Variants in IQCH observed in about 807,000 individuals in gnomAD.
IQCH encodes the protein IQ domain-containing protein H.
A neutral mutation model predicts 117.0 loss-of-function variants in IQCH; 98 were observed. That is an observed-to-expected ratio of 0.84 (90% confidence interval 0.71 to 0.99). The LOEUF is 0.99. IQCH is among the 50% of genes least tolerant of loss of function. IQCH has a pLI of 0.00. For missense variants in IQCH, 1,102 were observed against 1,243.8 expected, an observed-to-expected ratio of 0.89 and a Z score of 1.72; for synonymous variants, 412 against 448.2, an observed-to-expected ratio of 0.92 and a Z score of 1.02.
intron 5 of IQCH, among the ~76,000 whole-genome samples, chr15:67,340,007 G>T (rs1969071147): frequency 6.6e-6 from 1 of 152,114 alleles, no homozygotes; most frequent in Non-Finnish European, 1.5e-5. Flanking sequence ...AAAGTTCTTA[G>T]GGCTATAGCA....
intron 6 of IQCH, among the ~76,000 whole-genome samples, chr15:67,347,943 G>T (rs897184575): frequency 4.7e-5 from 7 of 149,532 alleles, no homozygotes; most frequent in Admixed American, 1.3e-4. Flanking sequence ...TCATGACCAT[G>T]TGGGGTTTAT....
chr15:67,363,499 A>G (rs1219356062), intron 8 of IQCH, among the ~76,000 whole-genome samples: 1 of 151,718 alleles, frequency 6.6e-6, no homozygotes, highest in African/African-American at 2.4e-5. Context: ...GCCCACCTCA[A>G]CCTCCCAAAG....
chr15:67,394,181 C>T (rs1288712580), intron 12 of IQCH, among the ~76,000 whole-genome samples: 1 of 152,154 alleles, frequency 6.6e-6, no homozygotes, highest in Non-Finnish European at 1.5e-5. Flanking sequence ...CCATGCCCAT[C>T]TTCACCTGAT....
At chr15:67,293,847 C>T (rs796099840) in intron 4 of IQCH, among the ~76,000 whole-genome samples, 21 of 152,092 alleles carry the variant, frequency 1.4e-4, no homozygotes, top group African/African-American at 5.1e-4. Flanking sequence ...GTGTGAATAG[C>T]AAAGAAGGGG....
intron 5 of IQCH, among the ~76,000 whole-genome samples, chr15:67,337,637 A>T (rs1026594005): frequency 6.6e-6 from 1 of 152,186 alleles, no homozygotes; most frequent in Admixed American, 6.5e-5. Context: ...TGTAGATACT[A>T]AGTGTAGATT....
Position 67,417,106 on chromosome 15 carries a change from T to C in IQCH, c.2218+55T>C, listed in dbSNP as rs905367521. The C allele has an allele frequency of 2.0e-6, 3 of 1,473,376 alleles. No homozygotes were observed. Among genetic ancestry groups the C allele is most frequent in the Non-Finnish European group, 2.7e-6 (3 of 1,100,542 alleles). The allele number at this position is 1,473,376 out of a possible 1,614,324, so 91.3% of individuals were successfully genotyped here. A position where few individuals can be genotyped will look rare whatever the true frequency, so the allele number is the denominator to read the frequency against. ...GATTAGTCTACACAACCTTGGATTCTAGTTTTGGGTCAACTGGGGCCAATT... is the reference window on the plus strand; with the variant it reads ...GATTAGTCTACACAACCTTGGATTCCAGTTTTGGGTCAACTGGGGCCAATT... On this transcript the variant is annotated intron_variant, in intron 15 of 20. Transcript: ENST00000335894. This position sits in a 1 kb window ranked among gnomAD's most constrained non-coding sequence, Gnocchi z 4.3.
chr15:67,478,736 C>T (rs1051138963), intron 18 of IQCH, among the ~76,000 whole-genome samples: 5 of 151,746 alleles, frequency 3.3e-5, no homozygotes, highest in East Asian at 1.9e-4. Context: ...CCATCCTGGC[C>T]AACATGGTGA....
intron 4 of IQCH, among the ~76,000 whole-genome samples, chr15:67,288,467 C>T (rs188407257): frequency 1.6e-4 from 24 of 152,162 alleles, no homozygotes; most frequent in African/African-American, 4.6e-4. Context: ...AATTGTTACA[C>T]GTTTTTGCTG....
chr15:67,283,637 C>T (rs1038330803), intron 4 of IQCH, among the ~76,000 whole-genome samples: 1 of 151,984 alleles, frequency 6.6e-6, no homozygotes, highest in East Asian at 1.9e-4. Context: ...TTTGATAGCT[C>T]ATGCTTTGGC....
chr15:67,424,446 A>G lies in IQCH; in HGVS notation c.2505+2869A>G, dbSNP rs960115111. 2.0e-5 allele frequency among the ~76,000 whole-genome samples: 3 copies of G among 152,350 alleles called. No individual in the cohort carries two copies. In the South Asian group the frequency reaches 6.2e-4, roughly 32 times the overall value. On this transcript the variant is annotated intron_variant, in intron 16 of 20. Coordinates refer to ENST00000335894, the MANE Select transcript of IQCH (RefSeq NM_001031715.3). This position sits in a 1 kb window ranked among gnomAD's most constrained non-coding sequence, Gnocchi z 4.9. ...CTCAGTTACAAATTTAAACTTATTT[A>G]CATGACTATCTGATTAATATTTTTC... is the stretch of plus-strand genomic sequence containing the variant.
At chr15:67,363,862 C>T (rs1970237812) in intron 8 of IQCH, among the ~76,000 whole-genome samples, 1 of 152,170 alleles carries the variant, frequency 6.6e-6, no homozygotes, top group African/African-American at 2.4e-5. Context: ...CAGCTCTATC[C>T]ATGTTGCTTC....
intron 16 of IQCH, among the ~76,000 whole-genome samples, chr15:67,437,721 A>C (rs1350122783): frequency 6.6e-6 from 1 of 152,180 alleles, no homozygotes; most frequent in African/African-American, 2.4e-5. Context: ...AATACAGGAA[A>C]CATTGGACAC....
intron 4 of IQCH, among the ~76,000 whole-genome samples, chr15:67,329,195 A>T (rs1276322084): frequency 6.6e-6 from 1 of 151,904 alleles, no homozygotes; most frequent in Admixed American, 6.6e-5. Context: ...GCTGCTCAAG[A>T]GGCTGAGGTA....
At chr15:67,412,003 G>A (rs1490542856) in intron 14 of IQCH, among the ~76,000 whole-genome samples, 1 of 152,184 alleles carries the variant, frequency 6.6e-6, no homozygotes, top group Non-Finnish European at 1.5e-5. Context: ...GATGCACTCT[G>A]AGAGGTAAAT....
At chr15:67,320,471 G>A (rs1473045078) in intron 4 of IQCH, among the ~76,000 whole-genome samples, 1 of 149,020 alleles carries the variant, frequency 6.7e-6, no homozygotes, top group African/African-American at 2.4e-5. Context: ...AAGTGAAATG[G>A]ACAGTACTTT....
At position 67,369,513 on chromosome 15, in the gene IQCH, G is replaced by C. The variant is rs981737981; in HGVS notation, c.754-2598G>C. 8.3e-6 allele frequency among the ~76,000 whole-genome samples: 1 copy of C among 120,990 alleles called. No homozygotes were observed. The highest frequency in any genetic ancestry group is 3.0e-5 in the African/African-American group (1 of 33,876). 79.4% of individuals were successfully genotyped at this position (120,990 alleles called of 152,430 possible). A position where few individuals can be genotyped will look rare whatever the true frequency, so the allele number is the denominator to read the frequency against. On this transcript the variant is annotated intron_variant, in intron 8 of 20. Transcript: ENST00000335894. The surrounding 1 kb of genome is among the most constrained non-coding windows in gnomAD (Gnocchi z 5.2). ...AGAGAAAAAGAAAAAAGAGAAAGAA[G>C]AGAGGGAAGGGGAAAGAAGGGAAGG...
rs986632847 is a variant in IQCH at position 67,472,634 on chromosome 15, C to T, written c.2677-3062C>T. 4.6e-5 allele frequency among the ~76,000 whole-genome samples: 7 copies of T among 152,174 alleles called. No homozygotes were observed. Among genetic ancestry groups the T allele is most frequent in the African/African-American group, 1.7e-4 (7 of 41,444 alleles). The stretch of plus-strand genomic sequence containing the variant: ...AGGTGCTTATTTAATCATCAGAAGA[C>T]AGAATTTCAATGATCTGTTCAAGAT... On this transcript the variant is annotated intron_variant, in intron 17 of 20. Transcript: ENST00000335894. The surrounding 1 kb of genome is among the most constrained non-coding windows in gnomAD (Gnocchi z 4.3).
chr15:67,421,087 TATAG>T (rs911897437), intron 15 of IQCH, 200 bp from the exon 16 acceptor site: 2 of 590,204 alleles, frequency 3.4e-6, no homozygotes, highest in African/African-American at 3.7e-5. Context: ...GGCTGAATAC[TATAG>T]ATAGATACAG....
At chr15:67,482,225 C>CG (rs1425479721) in intron 18 of IQCH, among the ~76,000 whole-genome samples, 1 of 854 alleles carries the variant, frequency 1.2e-3, no homozygotes, top group Non-Finnish European at 9.6e-3. Context: ...GAACATTTCC[C>CG]ACCAAAGGAT....
Sources: gnomAD v4.1 joint callset for allele counts (sites outside exome capture counted in the v4.1 genomes callset) on GRCh38, gnomAD v4.1.1 for gene constraint, Gnocchi (gnomAD v3.1) non-coding constraint, MANE v1.5 for transcripts, NCBI Gene and HGNC (gene_info 2026-07-23, HGNC 2026-07-21) for gene names.